The following ADAMTS17 variants were observed in gnomAD, a reference collection of about 807,000 sequenced individuals.
ADAMTS17 encodes the protein ADAM metallopeptidase with thrombospondin type 1 motif 17, also known as A disintegrin and metalloproteinase with thrombospondin motifs 17.
ADAMTS17 carries 113 observed loss-of-function variants against 141.5 expected under a neutral mutation model. The ratio of observed to expected loss-of-function variants is 0.80; its 90% CI spans 0.69 to 0.93. The LOEUF is 0.93. Among genes scored for constraint, ADAMTS17 ranks in the 40% least tolerant of loss-of-function variants. ADAMTS17 has a pLI of 0.00. For synonymous variants in ADAMTS17, 768 were observed against 630.6 expected (o/e 1.22, Z -3.27); for missense variants, 1,659 against 1,517.9 (o/e 1.09, Z -1.54).
chr15:100,246,850 G>A (rs1478480398), intron 7 of ADAMTS17, among the ~76,000 whole-genome samples: 5 of 147,702 alleles, frequency 3.4e-5, no homozygotes, highest in Non-Finnish European at 1.5e-5. Flanking sequence ...ATCTGTTCAA[G>A]TGGTTTGCCC....
At chr15:100,221,886 C>T (rs1329642193) in intron 7 of ADAMTS17, among the ~76,000 whole-genome samples, 1 of 152,208 alleles carries the variant, frequency 6.6e-6, no homozygotes, top group Non-Finnish European at 1.5e-5. Context: ...TTGCACACTC[C>T]TTCTGCTCTC....
Position 99,974,311 on chromosome 15 carries a change from G to A in ADAMTS17, c.*91C>T, listed in dbSNP as rs139031334. The stretch of plus-strand genomic sequence containing the variant: ...ATGTAGTTGGATTCTTGTGGCAGCC[G>A]GGTGGGGGCGTGGCCACAAGGCTGG... On this transcript the variant is annotated 3_prime_UTR_variant, in exon 22 of 22. Coordinates refer to ENST00000268070, the MANE Select transcript of ADAMTS17 (RefSeq NM_139057.4). The A allele has an allele frequency of 1.2e-4, 179 of 1,547,614 alleles. No homozygotes were observed. The highest frequency in any genetic ancestry group is 2.2e-4 in the Admixed American group (13 of 59,842).
chr15:100,140,871 C>T (rs75405700), intron 10 of ADAMTS17, among the ~76,000 whole-genome samples: 2,305 of 152,234 alleles, frequency 0.015, 49 homozygotes, highest in African/African-American at 0.051. Flanking sequence ...CCGTTCCCTC[C>T]GCCTGCAGAG....
rs764103539 is a variant in ADAMTS17, at chr15:100,116,996, G to A, written c.1739C>T (p.Thr580Ile). The A allele has an allele frequency of 1.2e-6, 2 of 1,612,500 alleles. No homozygotes were observed. Among genetic ancestry groups the A allele is most frequent in the South Asian group, 2.2e-5 (2 of 90,826 alleles). ...TTCTACACTGGCACCCGGGCAGTGT[G>A]TGCCTCCAGGCCCAGGGCTAGAAGG... ...CDNPPPGPGG[T>I]HCPGASVEHA... Residue 580 changes from threonine to isoleucine, a missense_variant, in exon 13 of 22, where the codon ACA becomes ATA. By Grantham distance (89) the Thr-to-Ile change is moderately conservative (BLOSUM62 -1). Transcript: ENST00000268070.
chr15:100,009,038 C>T (rs146850989), intron 18 of ADAMTS17, among the ~76,000 whole-genome samples: 1 of 152,292 alleles, frequency 6.6e-6, no homozygotes, highest in East Asian at 1.9e-4. Flanking sequence ...CAAGGTCTCA[C>T]TATATTGCCT....
At chr15:100,023,275 C>T (rs141011755) in intron 18 of ADAMTS17, among the ~76,000 whole-genome samples, 4 of 151,872 alleles carry the variant, frequency 2.6e-5, no homozygotes, top group Admixed American at 2.0e-4. Flanking sequence ...GATCTTGGCT[C>T]ACTGCAACCT....
Position 100,284,464 on chromosome 15 carries a change from G to A in ADAMTS17, c.617-3063C>T, listed in dbSNP as rs538963316. ...AACAGCCCCATGTGAGTGCAGGGCA[G>A]AGCTTGCCACAAAATGAGTGTTGAA... is the stretch of plus-strand genomic sequence containing the variant. On this transcript the variant is annotated intron_variant, in intron 3 of 21. Coordinates refer to ENST00000268070, the MANE Select transcript of ADAMTS17 (RefSeq NM_139057.4). 1.1e-3 allele frequency among the ~76,000 whole-genome samples: 163 copies of A among 152,324 alleles called. 2 individuals carry two copies. The highest frequency in any genetic ancestry group is 1.3e-3 in the Non-Finnish European group (86 of 68,020).
At chr15:100,317,804 C>T (rs1210202797) in intron 3 of ADAMTS17, among the ~76,000 whole-genome samples, 1 of 152,134 alleles carries the variant, frequency 6.6e-6, no homozygotes, top group Non-Finnish European at 1.5e-5. Context: ...GCCATGGGTG[C>T]CTTGCTGGGC....
intron 2 of ADAMTS17, among the ~76,000 whole-genome samples, chr15:100,332,357 G>A (rs1422778319): frequency 1.3e-5 from 2 of 152,238 alleles, no homozygotes; most frequent in East Asian, 1.9e-4. Context: ...CGGCCTCGGT[G>A]CAGAACACCC....
At chr15:100,223,767 T>A (rs558165938) in intron 7 of ADAMTS17, among the ~76,000 whole-genome samples, 1 of 145,280 alleles carries the variant, frequency 6.9e-6, no homozygotes, top group Non-Finnish European at 1.5e-5. Context: ...CACACACACA[T>A]ATATATATCC....
rs576667931 is a variant in ADAMTS17, at chr15:100,062,097, G to T, written c.2138-8043C>A. Among the ~76,000 whole-genome samples, 17 of 151,120 alleles carry T rather than the reference G, an allele frequency of 1.1e-4. No homozygotes were observed. The East Asian group carries it at 3.3e-3, about 29-fold the overall frequency. On this transcript the variant is annotated intron_variant, in intron 15 of 21. Coordinates refer to ENST00000268070, the MANE Select transcript of ADAMTS17 (RefSeq NM_139057.4). ...CTTGTTTTAGAATGCATTTTTAAGT[G>T]TTGTTCTATTTGCAGAGTGACAGCT...
chr15:100,310,782 G>C (rs2045378463), intron 3 of ADAMTS17, among the ~76,000 whole-genome samples: 1 of 152,336 alleles, frequency 6.6e-6, no homozygotes, highest in Non-Finnish European at 1.5e-5. Context: ...CGCCACGGCA[G>C]GGGGTTTGAT....
chr15:100,244,304 A>C (rs2042920028), intron 7 of ADAMTS17, among the ~76,000 whole-genome samples: 1 of 147,742 alleles, frequency 6.8e-6, no homozygotes, highest in Non-Finnish European at 1.5e-5. Context: ...ACACAGCCAA[A>C]CCGTATCAGT....
intron 18 of ADAMTS17, among the ~76,000 whole-genome samples, chr15:100,010,474 C>G (rs2061141393): frequency 1.3e-5 from 2 of 152,188 alleles, no homozygotes. Flanking sequence ...AAGGCCCTTC[C>G]CAGTGCACCT....
chr15:100,262,211 T>C, intron 5 of ADAMTS17, 141 bp downstream of exon 5: 1 of 762,808 alleles, frequency 1.3e-6, no homozygotes, highest in South Asian at 1.7e-5. Context: ...TGATGCCGGC[T>C]TTCCTCTCAC....
chr15:100,053,806 G>T, intron 16 of ADAMTS17, 91 bp downstream of exon 16: 1 of 1,595,926 alleles, frequency 6.3e-7, no homozygotes, highest in Non-Finnish European at 8.6e-7. Flanking sequence ...TCCTGCCCCC[G>T]AGGTCCCAGG....
intron 15 of ADAMTS17, among the ~76,000 whole-genome samples, chr15:100,082,607 G>C (rs1056937304): frequency 6.6e-6 from 1 of 151,786 alleles, no homozygotes; most frequent in African/African-American, 2.4e-5. Flanking sequence ...AGGCTGGTCT[G>C]ATAGTCATAT....
At chr15:100,199,297 G>A (rs186680617) in intron 8 of ADAMTS17, 21 bp downstream of exon 8, 51 of 1,601,648 alleles carry the variant, frequency 3.2e-5, no homozygotes, top group African/African-American at 3.1e-4. Flanking sequence ...AAAACAGGAC[G>A]ACACAGAGTC....
chr15:100,000,743 C>T (rs1310138850), intron 18 of ADAMTS17, among the ~76,000 whole-genome samples: 3 of 152,084 alleles, frequency 2.0e-5, no homozygotes, highest in Non-Finnish European at 4.4e-5. Flanking sequence ...GAACTCCTGA[C>T]CTTAAGTGAT....
Sources: allele counts gnomAD v4.1 joint callset (sites outside exome capture counted in the v4.1 genomes callset), GRCh38; gene constraint gnomAD v4.1.1; transcripts MANE v1.5; gene names NCBI Gene and HGNC (gene_info 2026-07-23, HGNC 2026-07-21).